The following PZP variants were observed in gnomAD, a reference collection of about 807,000 sequenced individuals.
The protein encoded by PZP is PZP alpha-2-macroglobulin like.
PZP carries 150 observed loss-of-function variants against 179.8 expected under a neutral mutation model. The observed-to-expected ratio is 0.83, with a 90% CI of 0.73 to 0.96. PZP has a LOEUF of 0.96. Among genes scored for constraint, PZP ranks in the 40% least tolerant of loss-of-function variants. PZP has a pLI of 0.00. For missense variants in PZP, 1,689 were observed against 1,764.0 expected (o/e 0.96, Z 0.76); for synonymous variants, 624 against 652.3 (o/e 0.96, Z 0.66).
chr12:9,191,659 A>G (rs1943463010), intron 13 of PZP, among the ~76,000 whole-genome samples: 1 of 152,084 alleles, frequency 6.6e-6, no homozygotes, highest in Non-Finnish European at 1.5e-5. Flanking sequence ...AAAAATGTTC[A>G]CGGGTTCTCT....
chr12:9,200,695 T>A (rs1027974033), intron 6 of PZP, among the ~76,000 whole-genome samples, 197 bp downstream of exon 6: 3 of 152,202 alleles, frequency 2.0e-5, no homozygotes, highest in Non-Finnish European at 4.4e-5. Flanking sequence ...GTTTCATACT[T>A]GGCAAAGCGT....
chr12:9,160,432 G>A lies in PZP; in HGVS notation c.2931C>T (p.Gly977=). The change falls in exon 24 of 36, where the codon GGC becomes GGT. Residue 977 remains glycine (G), a synonymous_variant. Transcript: ENST00000261336. Reference sequence around the variant, plus strand: ...ATAGGACCATGTTCTGTTCTCCACAGCCATATGGCATCTGGAGGAGATTTT... The same window carrying A: ...ATAGGACCATGTTCTGTTCTCCACAACCATATGGCATCTGGAGGAGATTTT... ...NIQNLLQMPY[G]CGEQNMVLFA... The A allele has an allele frequency of 6.2e-7, 1 of 1,613,834 alleles. No individual in the cohort carries two copies. Among genetic ancestry groups the A allele is most frequent in the African/African-American group, 1.3e-5 (1 of 75,040 alleles).
rs146504823 is a variant in PZP, at chr12:9,208,333, T to C, written c.9A>G (p.Lys3=). The change falls in exon 1 of 36, where the codon AAA becomes AAG. Residue 3 remains lysine, a synonymous_variant. Coordinates refer to ENST00000261336, the MANE Select transcript of PZP (RefSeq NM_002864.3). ...CAAGACATAAATGAAGAAGTCTGTC[T>C]TTCCGCATTGTGAGGGATAAATCTC... is the stretch of plus-strand genomic sequence containing the variant. The part of the protein sequence containing the change: MR[K]DRLLHLCLVL... 108 of 1,613,102 alleles carry C rather than the reference T, an allele frequency of 6.7e-5. No individual in the cohort carries two copies. Among genetic ancestry groups the C allele is most frequent in the Non-Finnish European group, 8.3e-5 (98 of 1,179,308 alleles).
intron 19 of PZP, 33 bp from the exon 20 acceptor site, chr12:9,164,292 A>T: frequency 6.2e-7 from 1 of 1,607,044 alleles, no homozygotes; most frequent in Non-Finnish European, 8.5e-7. Flanking sequence ...GACAGAAATG[A>T]TCAGAATATG....
chr12:9,172,419 A>G (rs1303682776), intron 15 of PZP, among the ~76,000 whole-genome samples: 1 of 152,206 alleles, frequency 6.6e-6, no homozygotes. Flanking sequence ...AACACTATGA[A>G]GCAATCACAT....
chr12:9,205,819 G>A (rs1362429847), intron 1 of PZP, among the ~76,000 whole-genome samples: 4 of 152,110 alleles, frequency 2.6e-5, no homozygotes, highest in African/African-American at 9.7e-5. Flanking sequence ...AAAATTAATA[G>A]GTGTGAGACT....
intron 1 of PZP, 61 bp from the exon 2 acceptor site, chr12:9,204,012 A>G: frequency 6.9e-7 from 1 of 1,448,998 alleles, no homozygotes; most frequent in Non-Finnish European, 9.5e-7. Context: ...TTTCATCCAT[A>G]AATGTGTTTT....
chr12:9,159,829 C>T, intron 25 of PZP, 109 bp downstream of exon 25: 1 of 947,110 alleles, frequency 1.1e-6, no homozygotes, highest in South Asian at 1.7e-5. Flanking sequence ...TTATAAATTA[C>T]CTAGTTTCAG....
intron 31 of PZP, among the ~76,000 whole-genome samples, 181 bp downstream of exon 31, chr12:9,152,643 C>T (rs1405945802): frequency 3.3e-5 from 5 of 152,140 alleles, no homozygotes; most frequent in Non-Finnish European, 5.9e-5. Flanking sequence ...GTATATATTA[C>T]TTTTATATTT....
In PZP at chr12:9,181,025, A is replaced by G. The variant is rs1942726950; in HGVS notation, c.1797T>C (p.Ser599=). The part of the protein sequence containing the change: ...SLCALRAVDQ[S]VLLMKPEAEL... ...CAGCCTCAGGCTTCATGAGCAGCAC[A>G]CTTTGGTCCACAGCACGAAGGGCAC... Residue 599 remains serine (S), a synonymous_variant, in exon 15 of 36, where the codon AGT becomes AGC. Coordinates refer to ENST00000261336, the MANE Select transcript of PZP (RefSeq NM_002864.3). 2 of 1,614,094 alleles carry G rather than the reference A, an allele frequency of 1.2e-6. No individual in the cohort carries two copies. Among genetic ancestry groups the G allele is most frequent in the Non-Finnish European group, 1.7e-6 (2 of 1,179,986 alleles).
Position 9,166,139 on chromosome 12 carries a change from A to G in PZP, c.2171T>C (p.Leu724Ser). ...PQLGTYNVIPLNNEQSSGPVP... is the reference protein window; with the variant it reads ...PQLGTYNVIPSNNEQSSGPVP... ...TGGCCCTGAACTTTGTTCATTATTT[A>G]AGGGTATCACATTATATGTGCCTAA... Residue 724 changes from leucine (L) to serine (S), a missense_variant, in exon 18 of 36, where the codon TTA (leucine) becomes TCA (serine). Leu to Ser is a moderately radical substitution (Grantham distance 145). Around this residue, in one of 3 missense-constraint regions of PZP, gnomAD observed 201 missense variants for 284.2 expected, o/e 0.71. Transcript: ENST00000261336. 6.2e-7 allele frequency: 1 copy of G among 1,613,980 alleles called. No homozygotes were observed. Among genetic ancestry groups the G allele is most frequent in the Non-Finnish European group, 8.5e-7 (1 of 1,179,946 alleles).
At chr12:9,190,359 A>G (rs1302726238) in intron 13 of PZP, among the ~76,000 whole-genome samples, 1 of 152,204 alleles carries the variant, frequency 6.6e-6, no homozygotes, top group African/African-American at 2.4e-5. Flanking sequence ...GCATACATGG[A>G]GCTAGAAGCT....
chr12:9,197,047 C>A lies in PZP; in HGVS notation c.832G>T (p.Asp278Tyr). ...AATTCCTCACAGACCTCCTGCTTGTCACAATTAAGAACACGAGATAATTTT... is the reference window on the plus strand; with the variant it reads ...AATTCCTCACAGACCTCCTGCTTGTAACAATTAAGAACACGAGATAATTTT... ...CRKLSRVLNC[D>Y]KQEVCEEFSQ... The change falls in exon 8 of 36, where the codon GAC (aspartate) becomes TAC (tyrosine). Residue 278 changes from aspartate (D) to tyrosine (Y), a missense_variant. Transcript: ENST00000261336. The A allele has an allele frequency of 6.2e-7, 1 of 1,613,554 alleles. No homozygotes were observed. The highest frequency in any genetic ancestry group is 1.1e-5 in the South Asian group (1 of 91,042).
intron 23 of PZP, 139 bp from the exon 24 acceptor site, chr12:9,160,629 A>T (rs546963006): frequency 1.0e-5 from 8 of 800,194 alleles, no homozygotes; most frequent in Non-Finnish European, 1.6e-5. Flanking sequence ...GACTTCCAGA[A>T]TCCTAATAAG....
intron 10 of PZP, among the ~76,000 whole-genome samples, chr12:9,195,681 T>C (rs1943735456): frequency 6.9e-6 from 1 of 144,404 alleles, no homozygotes; most frequent in African/African-American, 2.6e-5. Context: ...CTAGAACTCC[T>C]GGCCTCAGGC....
At chr12:9,163,009 T>C (rs142512287) in intron 21 of PZP, among the ~76,000 whole-genome samples, 9 of 152,262 alleles carry the variant, frequency 5.9e-5, no homozygotes, top group African/African-American at 2.2e-4. Flanking sequence ...CAGCTCCCAC[T>C]TATAAGTGAG....
the PZP span, among the ~76,000 whole-genome samples, chr12:9,138,494 T>C: frequency 6.6e-6 from 1 of 152,054 alleles, no homozygotes; most frequent in East Asian, 1.9e-4. Context: ...CTTGTCTGGC[T>C]TTGGTAGCAG....
intron 28 of PZP, chr12:9,156,340 C>T (rs1302070568): frequency 1.5e-5 from 3 of 203,314 alleles, no homozygotes; most frequent in African/African-American, 2.3e-5. Context: ...CCATCTTCCC[C>T]TCCACCTCCA....
At chr12:9,198,263 A>G (rs1273610841) in intron 7 of PZP, among the ~76,000 whole-genome samples, 1 of 151,916 alleles carries the variant, frequency 6.6e-6, no homozygotes, top group Non-Finnish European at 1.5e-5. Context: ...TAGGCAGGAG[A>G]TTCACATAAG....
Sources: allele counts gnomAD v4.1 joint callset (sites outside exome capture counted in the v4.1 genomes callset), GRCh38; gene constraint gnomAD v4.1.1; regional missense constraint gnomAD v4.1.1; transcripts MANE v1.5; gene names NCBI Gene and HGNC (gene_info 2026-07-23, HGNC 2026-07-21).